The following TRPM7 variants were observed in gnomAD, a reference collection of about 807,000 sequenced individuals.
TRPM7 encodes the protein LTRPC ion channel family member 7.
A neutral mutation model predicts 229.7 loss-of-function variants in TRPM7; 134 were observed. That is an observed-to-expected ratio of 0.58 (90% CI 0.51 to 0.67). The LOEUF is 0.67. Ranked by LOEUF, TRPM7 falls within the 30% of genes least tolerant of loss-of-function variation. The pLI, the probability that TRPM7 is intolerant of heterozygous loss-of-function variation, is 0.00. For missense variants in TRPM7, 1,901 were observed against 2,210.0 expected (o/e 0.86, Z 2.80); for synonymous variants, 699 against 715.2 (o/e 0.98, Z 0.36).
chr15:50,675,933 A>T (rs2062083985), intron 1 of TRPM7, among the ~76,000 whole-genome samples: 1 of 152,218 alleles, frequency 6.6e-6, no homozygotes, highest in Admixed American at 6.5e-5. Context: ...TATGTGTGCA[A>T]CCTTGTGCAA....
intron 1 of TRPM7, among the ~76,000 whole-genome samples, chr15:50,664,415 T>C (rs1332514927): frequency 6.6e-6 from 1 of 151,076 alleles, no homozygotes; most frequent in African/African-American, 2.4e-5. Context: ...TGGTTAATGA[T>C]ACAGGAATAA....
Position 50,668,754 on chromosome 15 carries a change from T to G in TRPM7, c.4-5708A>C, listed in dbSNP as rs185384122. ...AACTCCTGACATCAAGTGATTCACCTGCCCCAGCCTCCCAAAGTGCTGGGA... is the reference window on the plus strand; with the variant it reads ...AACTCCTGACATCAAGTGATTCACCGGCCCCAGCCTCCCAAAGTGCTGGGA... On this transcript the variant is annotated intron_variant, in intron 1 of 38. Coordinates refer to ENST00000646667, the MANE Select transcript of TRPM7 (RefSeq NM_017672.6). 1.7e-4 allele frequency among the ~76,000 whole-genome samples: 26 copies of G among 152,304 alleles called. No homozygotes were observed. In the East Asian group the frequency reaches 4.4e-3, roughly 26 times the overall value.
At chr15:50,599,490 G>A (rs930253030) in intron 21 of TRPM7, 194 bp from the exon 22 acceptor site, 29 of 419,674 alleles carry the variant, frequency 6.9e-5, no homozygotes, top group South Asian at 2.1e-4. Context: ...AGGAGATTAC[G>A]TAAAAAAAAA....
chr15:50,622,747 A>T (rs28568888), intron 12 of TRPM7, among the ~76,000 whole-genome samples: 10,073 of 152,164 alleles, frequency 0.066, 482 homozygotes, highest in African/African-American at 0.13. Context: ...TTAGCTGGGC[A>T]TGGTGGCATG....
At chr15:50,626,316 G>T (rs2060557487) in intron 11 of TRPM7, among the ~76,000 whole-genome samples, 1 of 151,628 alleles carries the variant, frequency 6.6e-6, no homozygotes, top group Non-Finnish European at 1.5e-5. Flanking sequence ...GAATAAAAGG[G>T]GATATAACAA....
At chr15:50,671,090 T>C (rs539276776) in intron 1 of TRPM7, among the ~76,000 whole-genome samples, 1 of 152,330 alleles carries the variant, frequency 6.6e-6, no homozygotes, top group Admixed American at 6.5e-5. Context: ...ATACTCTTAG[T>C]ATTTTTCAAA....
intron 26 of TRPM7, among the ~76,000 whole-genome samples, chr15:50,590,803 G>A (rs576876015): frequency 2.1e-4 from 32 of 149,260 alleles, no homozygotes; most frequent in East Asian, 1.4e-3. Context: ...CCGCCTGGGC[G>A]ACAGAGGGAG....
chr15:50,675,262 G>T (rs142863322), intron 1 of TRPM7, among the ~76,000 whole-genome samples: 5,163 of 151,584 alleles, frequency 0.034, 109 homozygotes, highest in Middle Eastern at 0.1. Context: ...AGAATCGACT[G>T]AACCCAGGAC....
intron 21 of TRPM7, 106 bp from the exon 22 acceptor site, chr15:50,599,402 C>CA (rs1303178160): frequency 4.2e-6 from 3 of 719,640 alleles, no homozygotes; most frequent in Non-Finnish European, 6.4e-6. Flanking sequence ...CCATTAAACA[C>CA]AAAAAATCTT....
intron 6 of TRPM7, 152 bp from the exon 7 acceptor site, chr15:50,637,745 G>C (rs2060950029): frequency 1.3e-6 from 1 of 759,062 alleles, no homozygotes. Flanking sequence ...GTTTCAAAAA[G>C]CGTAAGCTTT....
At chr15:50,585,314 C>T (rs939189751) in intron 28 of TRPM7, among the ~76,000 whole-genome samples, 5 of 152,164 alleles carry the variant, frequency 3.3e-5, no homozygotes, top group African/African-American at 1.2e-4. Flanking sequence ...CCACCTGCCT[C>T]GGCCTCCCAA....
intron 23 of TRPM7, 45 bp downstream of exon 23, chr15:50,596,210 G>A: frequency 7.8e-7 from 1 of 1,285,670 alleles, no homozygotes; most frequent in African/African-American, 1.5e-5. Context: ...ATGTAGAATT[G>A]CATATTAAAT....
intron 1 of TRPM7, among the ~76,000 whole-genome samples, chr15:50,679,472 A>G (rs2140979852): frequency 1.2e-5 from 1 of 84,188 alleles, no homozygotes; most frequent in East Asian, 3.2e-4. Context: ...GTTTTATTTC[A>G]TTTATATATA....
chr15:50,660,473 T>C (rs11854486), intron 2 of TRPM7, among the ~76,000 whole-genome samples: 11,459 of 152,138 alleles, frequency 0.075, 557 homozygotes, highest in South Asian at 0.12. Context: ...ACCAACATGG[T>C]GAAACCCCTG....
chr15:50,678,093 C>T (rs2062137050), intron 1 of TRPM7, among the ~76,000 whole-genome samples: 2 of 150,886 alleles, frequency 1.3e-5, no homozygotes, highest in South Asian at 4.2e-4. Flanking sequence ...TACAAAAAAT[C>T]AGCCGGGCGT....
chr15:50,682,848 C>T (rs1274354030), intron 1 of TRPM7, among the ~76,000 whole-genome samples: 1 of 151,804 alleles, frequency 6.6e-6, no homozygotes, highest in African/African-American at 2.4e-5. Context: ...TCAAGTAATG[C>T]TTATGTCCTA....
chr15:50,627,982 T>C (rs1185478719), intron 11 of TRPM7, among the ~76,000 whole-genome samples, 167 bp downstream of exon 11: 1 of 152,262 alleles, frequency 6.6e-6, no homozygotes, highest in African/African-American at 2.4e-5. Context: ...TCTAGAGGCA[T>C]ACATTAAATC....
intron 21 of TRPM7, among the ~76,000 whole-genome samples, chr15:50,603,227 A>G (rs2059826186): frequency 6.6e-6 from 1 of 152,200 alleles, no homozygotes; most frequent in South Asian, 2.1e-4. Flanking sequence ...TTATATTTAG[A>G]AAACCTAAAA....
In TRPM7 at chr15:50,575,676, T is replaced by C. The variant is rs753393181; in HGVS notation, c.4735+48A>G. Reference sequence around the variant, plus strand: ...CATTCTATATTATAGCTAAAAATCATTAAAGGGTTAATTTTCACTTATTTA... The same window carrying C: ...CATTCTATATTATAGCTAAAAATCACTAAAGGGTTAATTTTCACTTATTTA... On this transcript the variant is annotated intron_variant, in intron 33 of 38. Transcript: ENST00000646667. 9 of 1,508,394 alleles carry C rather than the reference T, an allele frequency of 6.0e-6. No individual in the cohort carries two copies. The Admixed American group carries it at 1.7e-4, about 28-fold the overall frequency. The allele number at this position is 1,508,394 out of a possible 1,614,324, so 93.4% of individuals were successfully genotyped here. A position where few individuals can be genotyped will look rare whatever the true frequency, so the allele number is the denominator to read the frequency against.
Sources: gnomAD v4.1 joint callset for allele counts (sites outside exome capture counted in the v4.1 genomes callset) on GRCh38, gnomAD v4.1.1 for gene constraint, MANE v1.5 for transcripts, NCBI Gene and HGNC (gene_info 2026-07-23, HGNC 2026-07-21) for gene names.